PCCA: variants seen among roughly 807,000 people sequenced by gnomAD.
PCCA encodes propionyl-CoA carboxylase subunit alpha.
Under a neutral mutation model 101.3 loss-of-function variants are expected in PCCA, and 74 were observed. The ratio of observed to expected loss-of-function variants is 0.73; its 90% CI spans 0.61 to 0.89. The LOEUF (loss-of-function observed/expected upper bound fraction) is 0.89. PCCA is among the 40% of genes least tolerant of loss of function. PCCA has a pLI of 0.00. For missense variants in PCCA, 891 were observed against 907.0 expected, an observed-to-expected ratio of 0.98 and a Z score of 0.23; for synonymous variants, 294 against 313.6, an observed-to-expected ratio of 0.94 and a Z score of 0.66.
At chr13:100,136,373 G>C (rs1342064801) in intron 4 of PCCA, among the ~76,000 whole-genome samples, 1 of 151,604 alleles carries the variant, frequency 6.6e-6, no homozygotes, top group Non-Finnish European at 1.5e-5. Context: ...TTTAGTAGAG[G>C]TGGGGTTTCT....
intron 21 of PCCA, 103 bp from the exon 22 acceptor site, chr13:100,515,324 G>C (rs918607265): frequency 2.0e-6 from 2 of 1,004,740 alleles, no homozygotes; most frequent in Admixed American, 2.0e-5. Context: ...GGCTCTTACT[G>C]TAATTTGAAT....
intron 20 of PCCA, among the ~76,000 whole-genome samples, chr13:100,444,431 CTTTTTTTTT>C (rs57941571): frequency 8.8e-5 from 4 of 45,400 alleles, no homozygotes; most frequent in Non-Finnish European, 1.5e-4. Flanking sequence ...TTTGAACAAC[CTTTTTTTTT>C]TTTTTTTTTT....
chr13:100,440,498 G>A (rs1021815953), intron 20 of PCCA, among the ~76,000 whole-genome samples: 10 of 151,362 alleles, frequency 6.6e-5, no homozygotes, highest in Non-Finnish European at 1.3e-4. Context: ...CACCCTCCAA[G>A]AATAAACTTT....
intron 12 of PCCA, among the ~76,000 whole-genome samples, chr13:100,279,320 A>G (rs1010754685): frequency 1.3e-5 from 2 of 152,188 alleles, no homozygotes; most frequent in Admixed American, 6.5e-5. Context: ...AGAATAAGTT[A>G]ATTTTAATTT....
rs371664374 is a variant in PCCA, at chr13:100,393,665, C to T, written c.1746+25091C>T. Among the ~76,000 whole-genome samples the T allele has an allele frequency of 1.1e-3, 163 of 152,180 alleles. 6 individuals carry two copies. In the South Asian group the frequency reaches 0.031, roughly 29 times the overall value. On this transcript the variant is annotated intron_variant, in intron 19 of 23. Coordinates refer to ENST00000376285, the MANE Select transcript of PCCA (RefSeq NM_000282.4). ...AACTCTTGATCTCATGATCTGTACA[C>T]CTCGGGCTCCCAAAGTGTTGGGATT...
chr13:100,125,475 G>C (rs1287930641), intron 4 of PCCA, among the ~76,000 whole-genome samples: 3 of 152,138 alleles, frequency 2.0e-5, no homozygotes, highest in Non-Finnish European at 4.4e-5. Flanking sequence ...CTTAGTATAT[G>C]GTTTTGAATC....
intron 19 of PCCA, among the ~76,000 whole-genome samples, chr13:100,405,378 G>C (rs1452857594): frequency 6.6e-6 from 1 of 152,154 alleles, no homozygotes; most frequent in African/African-American, 2.4e-5. Context: ...AGCAGGGTTA[G>C]TCTAAAATGT....
At chr13:100,235,462 C>T (rs1293782896) in intron 7 of PCCA, among the ~76,000 whole-genome samples, 1 of 152,062 alleles carries the variant, frequency 6.6e-6, no homozygotes, top group Non-Finnish European at 1.5e-5. Context: ...TCTAGGAAAA[C>T]ATGACACATA....
At chr13:100,112,396 G>T (rs1457486509) in intron 4 of PCCA, among the ~76,000 whole-genome samples, 2 of 152,054 alleles carry the variant, frequency 1.3e-5, no homozygotes, top group Non-Finnish European at 2.9e-5. Context: ...CTTTCCCCCA[G>T]CATAGCTTCA....
chr13:100,113,526 A>T (rs1250571168), intron 4 of PCCA, among the ~76,000 whole-genome samples: 1 of 152,070 alleles, frequency 6.6e-6, no homozygotes, highest in African/African-American at 2.4e-5. Flanking sequence ...TTAGCATACC[A>T]TAACTTTTTT....
chr13:100,412,926 G>T (rs1004235554), intron 19 of PCCA, among the ~76,000 whole-genome samples: 5 of 152,098 alleles, frequency 3.3e-5, no homozygotes, highest in Admixed American at 2.0e-4. Flanking sequence ...GAATAAAATT[G>T]TAGCAAATAA....
intron 2 of PCCA, chr13:100,104,384 G>A (rs1348105078): frequency 6.6e-6 from 1 of 152,168 alleles, no homozygotes; most frequent in African/African-American, 2.4e-5. Context: ...TAATCCCCAT[G>A]TGTTGAGGGA....
intron 12 of PCCA, among the ~76,000 whole-genome samples, chr13:100,288,114 T>G (rs2064833150): frequency 6.6e-6 from 1 of 152,218 alleles, no homozygotes; most frequent in Non-Finnish European, 1.5e-5. Context: ...GGAGTTTTTA[T>G]CATAATTTTA....
chr13:100,424,045 T>C (rs1201055135), intron 19 of PCCA, among the ~76,000 whole-genome samples: 1 of 152,132 alleles, frequency 6.6e-6, no homozygotes, highest in Non-Finnish European at 1.5e-5. Context: ...CTGCAGATAT[T>C]TGGGGGAGCG....
At chr13:100,398,656 T>C (rs2077172762) in intron 19 of PCCA, among the ~76,000 whole-genome samples, 1 of 152,190 alleles carries the variant, frequency 6.6e-6, no homozygotes, top group African/African-American at 2.4e-5. Context: ...TTACCATTTA[T>C]TCTACTTGCT....
intron 18 of PCCA, among the ~76,000 whole-genome samples, chr13:100,366,369 G>C (rs972508969): frequency 2.0e-5 from 3 of 152,160 alleles, no homozygotes; most frequent in Admixed American, 6.5e-5. Context: ...TTCTACACGT[G>C]CTTGGTGCAT....
intron 16 of PCCA, among the ~76,000 whole-genome samples, chr13:100,315,375 G>A (rs765635841): frequency 7.9e-5 from 12 of 152,082 alleles, no homozygotes; most frequent in Non-Finnish European, 1.5e-4. Context: ...TAAAAGCAGA[G>A]ATGCATTTGG....
chr13:100,121,300 G>C (rs1044840593), intron 4 of PCCA, among the ~76,000 whole-genome samples: 4 of 151,560 alleles, frequency 2.6e-5, no homozygotes, highest in Admixed American at 2.0e-4. Flanking sequence ...TGGGGTTACA[G>C]GCATGCGCCA....
chr13:100,370,730 G>A (rs528219478), intron 19 of PCCA, among the ~76,000 whole-genome samples: 4 of 152,270 alleles, frequency 2.6e-5, no homozygotes, highest in African/African-American at 9.6e-5. Flanking sequence ...AAGGAGGCAG[G>A]TTGAACAGCG....
Sources: allele counts gnomAD v4.1 joint callset (sites outside exome capture counted in the v4.1 genomes callset), GRCh38; gene constraint gnomAD v4.1.1; transcripts MANE v1.5; gene names NCBI Gene and HGNC (gene_info 2026-07-23, HGNC 2026-07-21).